The following TUT4 variants were observed in gnomAD, a reference collection of about 807,000 sequenced individuals.
TUT4 encodes the protein terminal uridylyl transferase 4.
In TUT4, 36 loss-of-function variants were observed where a neutral mutation model predicts 192.2. The observed-to-expected ratio is 0.19, with a 90% confidence interval of 0.14 to 0.25. The LOEUF (loss-of-function observed/expected upper bound fraction) is 0.25. Among genes scored for constraint, TUT4 ranks in the 10% least tolerant of loss-of-function variants. The probability of loss-of-function intolerance (pLI) is 1.00; values close to 1 mark genes in which losing one functional copy is unlikely to be tolerated. For synonymous variants in TUT4, 618 were observed against 666.0 expected, an observed-to-expected ratio of 0.93 and a Z score of 1.11; for missense variants, 1,493 against 1,957.2, an observed-to-expected ratio of 0.76 and a Z score of 4.47.
At chr1:52,515,789 CCT>C (rs1678565266) in intron 3 of TUT4, 100 bp downstream of exon 3, 4 of 1,376,738 alleles carry the variant, frequency 2.9e-6, no homozygotes, top group Non-Finnish European at 4.1e-6. Flanking sequence ...ATGAATGCAA[CCT>C]CTGTCTTATG....
chr1:52,428,746 G>A lies in TUT4; in HGVS notation c.4711+2267C>T, dbSNP rs12564518. Reference sequence around the variant, plus strand: ...GCGGAGGTTGCAGTGAGCCGAGATTGTTCCACTGCACTCCAGCCTGGCAAC... The same window carrying A: ...GCGGAGGTTGCAGTGAGCCGAGATTATTCCACTGCACTCCAGCCTGGCAAC... On this transcript the variant is annotated intron_variant, in intron 28 of 29. Transcript: ENST00000257177. 9.9e-5 allele frequency among the ~76,000 whole-genome samples: 15 copies of A among 151,832 alleles called. No homozygotes were observed. In the East Asian group the frequency reaches 1.9e-3, roughly 20 times the overall value.
intron 20 of TUT4, among the ~76,000 whole-genome samples, chr1:52,449,696 C>A (rs940742954): frequency 5.3e-5 from 8 of 152,180 alleles, no homozygotes; most frequent in Non-Finnish European, 7.3e-5. Flanking sequence ...CATACTGTCA[C>A]GCTACCATCA....
At chr1:52,475,606 G>A in intron 12 of TUT4, 71 bp from the exon 13 acceptor site, 1 of 1,305,628 alleles carries the variant, frequency 7.7e-7, no homozygotes, top group Non-Finnish European at 1.0e-6. Flanking sequence ...CATACAAGTA[G>A]ATCTTAACTG....
chr1:52,529,041 T>C (rs1174653198), intron 1 of TUT4, among the ~76,000 whole-genome samples: 1 of 152,178 alleles, frequency 6.6e-6, no homozygotes, highest in Admixed American at 6.5e-5. Flanking sequence ...TGCAGTCCTC[T>C]ACATTCTCTG....
intron 1 of TUT4, among the ~76,000 whole-genome samples, chr1:52,540,509 C>T (rs111485443): frequency 0.09 from 13,020 of 143,962 alleles, 716 homozygotes; most frequent in East Asian, 0.2. Flanking sequence ...AGCAAGACTC[C>T]GACTCAAAAA....
intron 16 of TUT4, chr1:52,463,195 G>C (rs191829655): frequency 1.0e-6 from 1 of 984,070 alleles, no homozygotes; most frequent in Admixed American, 6.1e-5. Context: ...TTAGTGATTA[G>C]AAGTTTAATA....
At chr1:52,520,875 C>G (rs1416823151) in intron 2 of TUT4, among the ~76,000 whole-genome samples, 1 of 152,238 alleles carries the variant, frequency 6.6e-6, no homozygotes, top group Non-Finnish European at 1.5e-5. Flanking sequence ...TCACTGCAAC[C>G]TCCGCCTCCC....
At chr1:52,499,553 T>C (rs1254540126) in intron 4 of TUT4, among the ~76,000 whole-genome samples, 1 of 151,750 alleles carries the variant, frequency 6.6e-6, no homozygotes, top group Non-Finnish European at 1.5e-5. Context: ...CTAGGCAACA[T>C]GGTGAAACCC....
intron 3 of TUT4, among the ~76,000 whole-genome samples, chr1:52,513,264 G>C (rs1424882459): frequency 6.6e-6 from 1 of 151,598 alleles, no homozygotes; most frequent in Non-Finnish European, 1.5e-5. Flanking sequence ...TAGCAGGCTT[G>C]GTGGCACATG....
At chr1:52,469,866 G>A (rs950597955) in intron 14 of TUT4, among the ~76,000 whole-genome samples, 2 of 149,406 alleles carry the variant, frequency 1.3e-5, no homozygotes, top group Non-Finnish European at 1.5e-5. Flanking sequence ...ACTCCAGCCT[G>A]GGCGACAGAG....
At chr1:52,491,457 A>G (rs1671119636) in intron 7 of TUT4, among the ~76,000 whole-genome samples, 1 of 152,188 alleles carries the variant, frequency 6.6e-6, no homozygotes, top group Non-Finnish European at 1.5e-5. Flanking sequence ...TGGGAGGCCG[A>G]GGTGGGTGGA....
chr1:52,481,691 A>G, intron 10 of TUT4, 56 bp from the exon 11 acceptor site: 1 of 1,552,740 alleles, frequency 6.4e-7, no homozygotes, highest in East Asian at 2.2e-5. Context: ...AAAAAAAAAA[A>G]AAGATGGACA....
At chr1:52,440,903 TAAGAA>T (rs1467194887) in intron 24 of TUT4, among the ~76,000 whole-genome samples, 2 of 152,230 alleles carry the variant, frequency 1.3e-5, no homozygotes, top group African/African-American at 4.8e-5. Context: ...AGTTTACCAC[TAAGAA>T]TATAATTATT....
intron 4 of TUT4, among the ~76,000 whole-genome samples, chr1:52,502,969 C>A (rs911113403): frequency 4.6e-5 from 7 of 152,138 alleles, no homozygotes; most frequent in African/African-American, 1.7e-4. Context: ...CAACAACTAT[C>A]ATTTATTGAG....
In TUT4 at chr1:52,423,839, G is replaced by A; in HGVS notation, c.*96C>T. 1 of 1,559,098 alleles carries A rather than the reference G, an allele frequency of 6.4e-7. No individual in the cohort carries two copies. Among genetic ancestry groups the A allele is most frequent in the Non-Finnish European group, 8.7e-7 (1 of 1,151,858 alleles). ...TCCATTAAATGTCACTTTTTCTGCT[G>A]AATGTAACTGACATTGAGGTACGGA... On this transcript the variant is annotated 3_prime_UTR_variant, in exon 30 of 30. Coordinates refer to ENST00000257177, the MANE Select transcript of TUT4 (RefSeq NM_001009881.3).
intron 4 of TUT4, 119 bp from the exon 5 acceptor site, chr1:52,497,302 T>G: frequency 1.0e-6 from 1 of 991,144 alleles, no homozygotes; most frequent in South Asian, 1.9e-5. Context: ...ACCTTCCATC[T>G]ACCAGATACC....
intron 11 of TUT4, 51 bp downstream of exon 11, chr1:52,481,372 T>C (rs1278594093): frequency 1.9e-6 from 3 of 1,571,702 alleles, no homozygotes; most frequent in Non-Finnish European, 2.6e-6. Context: ...TCGAAGAATA[T>C]CACAAATTCT....
chr1:52,516,097 A>C, intron 2 of TUT4, 43 bp from the exon 3 acceptor site: 1 of 1,468,100 alleles, frequency 6.8e-7, no homozygotes. Flanking sequence ...AGAACTGGTA[A>C]ATTTTTAAAT....
At position 52,526,093 on chromosome 1, in the gene TUT4, A is replaced by T. The variant is rs1365921148; in HGVS notation, c.188T>A (p.Ile63Asn). 2 of 1,609,856 alleles carry T rather than the reference A, an allele frequency of 1.2e-6. No homozygotes were observed. The highest frequency in any genetic ancestry group is 1.7e-6 in the Non-Finnish European group (2 of 1,179,010). The change falls in exon 2 of 30, where the codon ATT becomes AAT. Residue 63 changes from isoleucine to asparagine, a missense_variant. Physicochemically the swap from Ile to Asn is moderately radical, Grantham distance 149 (BLOSUM62 -3). Coordinates refer to ENST00000257177, the MANE Select transcript of TUT4 (RefSeq NM_001009881.3). Reference protein sequence around the residue: ...NSSKKNKQNDICIEKTEVKSC... With the variant: ...NSSKKNKQNDNCIEKTEVKSC... ...TTTAACTTCTGTTTTTTCTATACAA[A>T]TATCATTTTGCTTATTTTTTTTACT... is the stretch of plus-strand genomic sequence containing the variant.
Sources: gnomAD v4.1 joint callset for allele counts (sites outside exome capture counted in the v4.1 genomes callset) on GRCh38, gnomAD v4.1.1 for gene constraint, MANE v1.5 for transcripts, NCBI Gene and HGNC (gene_info 2026-07-23, HGNC 2026-07-21) for gene names.